SAMD12: variants seen among roughly 807,000 people sequenced by gnomAD.
SAMD12 encodes the protein sterile alpha motif domain-containing protein 12.
In SAMD12, 9 loss-of-function variants were observed where a neutral mutation model predicts 15.0. The observed-to-expected ratio is 0.60, with a 90% CI of 0.36 to 1.05. The LOEUF is 1.05. SAMD12 is among the 50% of genes least tolerant of loss of function. The pLI is 0.01. For missense variants in SAMD12, 230 were observed against 234.2 expected (o/e 0.98, Z 0.12); for synonymous variants, 86 against 90.1 (o/e 0.96, Z 0.25).
chr8:118,429,343 T>C (rs73311800), intron 3 of SAMD12, among the ~76,000 whole-genome samples: 4,316 of 152,280 alleles, frequency 0.028, 200 homozygotes, highest in African/African-American at 0.098. Context: ...GTACTTCAGA[T>C]TTTAAATTTT....
intron 4 of SAMD12, among the ~76,000 whole-genome samples, chr8:118,242,103 C>T (rs2129972786): frequency 6.6e-6 from 1 of 152,228 alleles, no homozygotes; most frequent in South Asian, 2.1e-4. Flanking sequence ...TTTGTAGAGA[C>T]AGTGTTTCGT....
chr8:118,451,934 C>G (rs1320027613), intron 2 of SAMD12, among the ~76,000 whole-genome samples: 1 of 152,122 alleles, frequency 6.6e-6, no homozygotes, highest in Non-Finnish European at 1.5e-5. Context: ...TCTGTCTCCC[C>G]AAAATTCACA....
At chr8:118,381,596 A>G (rs1288694757) in intron 3 of SAMD12, among the ~76,000 whole-genome samples, 2 of 152,192 alleles carry the variant, frequency 1.3e-5, no homozygotes, top group African/African-American at 4.8e-5. Flanking sequence ...AGAGCCAGAG[A>G]GACATGTGAC....
At chr8:118,179,169 C>T in the SAMD12 span, among the ~76,000 whole-genome samples, 2 of 152,084 alleles carry the variant, frequency 1.3e-5, no homozygotes, top group Non-Finnish European at 2.9e-5. Flanking sequence ...GGGCCGGATG[C>T]GGTGGCTCAT....
intron 4 of SAMD12, among the ~76,000 whole-genome samples, chr8:118,266,503 T>C: frequency 6.6e-6 from 1 of 152,140 alleles, no homozygotes; most frequent in East Asian, 1.9e-4. Flanking sequence ...ATTCAAGGGA[T>C]ATTAAACCAG....
At chr8:118,569,654 G>A (rs776398057) in intron 2 of SAMD12, among the ~76,000 whole-genome samples, 1 of 152,124 alleles carries the variant, frequency 6.6e-6, no homozygotes, top group Admixed American at 6.5e-5. Context: ...ACACAGAGGA[G>A]AAACAGACAC....
chr8:118,186,384 C>T (rs1342130716), downstream of SAMD12, among the ~76,000 whole-genome samples: 2 of 152,134 alleles, frequency 1.3e-5, no homozygotes, highest in Non-Finnish European at 2.9e-5. Flanking sequence ...ATTTCTGAAT[C>T]AACAATACTT....
intron 4 of SAMD12, among the ~76,000 whole-genome samples, chr8:118,363,763 G>T (rs1177463493): frequency 6.6e-6 from 1 of 152,188 alleles, no homozygotes; most frequent in East Asian, 1.9e-4. Flanking sequence ...CAGACTAATA[G>T]AAATAATATT....
intron 4 of SAMD12, among the ~76,000 whole-genome samples, chr8:118,312,446 C>T (rs1029322506): frequency 5.9e-5 from 9 of 152,162 alleles, no homozygotes; most frequent in African/African-American, 2.2e-4. Context: ...CAGATCATGT[C>T]CCATCTCATG....
chr8:118,472,490 G>A (rs1443474805), intron 2 of SAMD12, among the ~76,000 whole-genome samples: 2 of 151,796 alleles, frequency 1.3e-5, no homozygotes, highest in Non-Finnish European at 2.9e-5. Context: ...ACAAGCCTGG[G>A]CAACACAGCA....
At chr8:118,596,573 G>A (rs944282022) in intron 1 of SAMD12, among the ~76,000 whole-genome samples, 1 of 152,188 alleles carries the variant, frequency 6.6e-6, no homozygotes, top group African/African-American at 2.4e-5. Flanking sequence ...TAACTTTGGA[G>A]GAAGCGCCAG....
chr8:118,548,331 T>C (rs1826190045), intron 2 of SAMD12, among the ~76,000 whole-genome samples: 2 of 151,886 alleles, frequency 1.3e-5, no homozygotes. Context: ...CCTTTCCAAA[T>C]TTCCTAATAA....
chr8:118,408,227 G>A (rs73311730), intron 3 of SAMD12, among the ~76,000 whole-genome samples: 3,599 of 152,090 alleles, frequency 0.024, 139 homozygotes, highest in African/African-American at 0.081. Context: ...CCAGATAAAT[G>A]TCAAAGACTA....
At chr8:118,548,384 T>TACATACACACACACAC (rs1554583414) in intron 2 of SAMD12, among the ~76,000 whole-genome samples, 1 of 139,800 alleles carries the variant, frequency 7.2e-6, no homozygotes, top group Non-Finnish European at 1.6e-5. Context: ...AAAACACACA[T>TACATACACACACACAC]ACACACACAC....
chr8:118,355,982 GTTTGA>G lies in SAMD12; in HGVS notation c.433+23573_433+23577del, dbSNP rs558781061. On this transcript the variant is annotated intron_variant, in intron 4 of 4. Transcript: ENST00000409003. ...TTGAGAATTTTCACAAAATTTCAGT[GTTTGA>G]TTTATTAGAATAGCCTTATAAAATA... Among the ~76,000 whole-genome samples, 150 of 152,268 alleles carry G rather than the reference GTTTGA, an allele frequency of 9.9e-4. 1 individual carries two copies. The highest frequency in any genetic ancestry group is 3.5e-3 in the African/African-American group (147 of 41,562).
chr8:118,286,394 T>G (rs1255748837), intron 4 of SAMD12, among the ~76,000 whole-genome samples: 4 of 152,160 alleles, frequency 2.6e-5, no homozygotes, highest in Non-Finnish European at 1.5e-5. Context: ...TGTTTCTTTG[T>G]TGGGTCTTGT....
intron 2 of SAMD12, among the ~76,000 whole-genome samples, chr8:118,488,509 C>G (rs1824349401): frequency 6.6e-6 from 1 of 152,114 alleles, no homozygotes; most frequent in South Asian, 2.1e-4. Flanking sequence ...GAAGGTTTCC[C>G]CTCATGTTTC....
At chr8:118,245,397 G>T (rs542773012) in intron 4 of SAMD12, among the ~76,000 whole-genome samples, 3 of 152,222 alleles carry the variant, frequency 2.0e-5, no homozygotes, top group Admixed American at 6.5e-5. Context: ...TCTGGATGCC[G>T]CAAGGGGAGG....
chr8:118,350,984 T>C (rs1817936412), intron 4 of SAMD12, among the ~76,000 whole-genome samples: 1 of 152,216 alleles, frequency 6.6e-6, no homozygotes, highest in Non-Finnish European at 1.5e-5. Context: ...TCACATCCCA[T>C]CATCTCCCTG....
Sources: gnomAD v4.1 joint callset for allele counts (sites outside exome capture counted in the v4.1 genomes callset) on GRCh38, gnomAD v4.1.1 for gene constraint, MANE v1.5 for transcripts, NCBI Gene and HGNC (gene_info 2026-07-23, HGNC 2026-07-21) for gene names.